Variants in HOXC5 observed in about 807,000 individuals in gnomAD.
HOXC5 encodes the protein homeobox protein Hox-C5.
Under a neutral mutation model 20.1 loss-of-function variants are expected in HOXC5, and 19 were observed. The ratio of observed to expected loss-of-function variants is 0.94; its 90% CI spans 0.66 to 1.38. The LOEUF is 1.38. Ranked by LOEUF, HOXC5 falls within the 40% of genes most tolerant of loss-of-function variation. The probability of loss-of-function intolerance (pLI) is 0.00; values close to 1 mark genes in which losing one functional copy is unlikely to be tolerated. For synonymous variants in HOXC5, 124 were observed against 117.0 expected (o/e 1.06, Z -0.39); for missense variants, 330 against 300.1 (o/e 1.10, Z -0.74).
chr12:54,024,137 A>G, the HOXC5 span, among the ~76,000 whole-genome samples: 1,142 of 152,316 alleles, frequency 7.5e-3, 11 homozygotes, highest in African/African-American at 0.026. Context: ...CAATTACTGA[A>G]ACTCGGCTTT....
chr12:54,018,781 C>T, the HOXC5 span, among the ~76,000 whole-genome samples: 1,961 of 152,232 alleles, frequency 0.013, 40 homozygotes, highest in African/African-American at 0.045. Context: ...ATATTCCAGA[C>T]GAGGTCCGAG....
At chr12:54,018,095 C>T in the HOXC5 span, among the ~76,000 whole-genome samples, 6 of 152,014 alleles carry the variant, frequency 3.9e-5, no homozygotes, top group Admixed American at 3.3e-4. Context: ...CCCCTGCTCC[C>T]GCCCCCACTC....
intron 1 of HOXC5, chr12:54,033,904 C>A: frequency 2.6e-6 from 1 of 381,498 alleles, no homozygotes; most frequent in Non-Finnish European, 5.1e-6. Context: ...CCCTCCCCTG[C>A]GGAGCCGGCT....
the HOXC5 span, chr12:54,021,242 C>G: frequency 3.9e-5 from 6 of 152,398 alleles, no homozygotes; most frequent in Admixed American, 3.9e-4. Context: ...GCATCCGTGG[C>G]GGCAGATTGG....
the HOXC5 span, among the ~76,000 whole-genome samples, chr12:54,027,757 T>C: frequency 6.6e-6 from 1 of 152,150 alleles, no homozygotes; most frequent in Non-Finnish European, 1.5e-5. Flanking sequence ...GCGTGGCCCA[T>C]TTGCCCACTC....
chr12:54,035,090 C>G lies in HOXC5; in HGVS notation c.*598C>G, dbSNP rs887545538. On this transcript the variant is annotated 3_prime_UTR_variant, in exon 2 of 2. Coordinates refer to ENST00000312492, the MANE Select transcript of HOXC5 (RefSeq NM_018953.4). ...GCTTTCCAAACCTTATCTCCACAAC[C>G]TCTTCCCCCCAAAACCCGGGAACCT... 2 of 154,098 alleles carry G rather than the reference C, an allele frequency of 1.3e-5. No individual in the cohort carries two copies. Among genetic ancestry groups the G allele is most frequent in the Non-Finnish European group, 2.9e-5 (2 of 69,196 alleles). The allele number at this position is 154,098 out of a possible 1,614,324, so 9.5% of individuals were successfully genotyped here.
chr12:54,030,649 G>GAA (rs900853084), upstream of HOXC5: 1 of 151,996 alleles, frequency 6.6e-6, no homozygotes, highest in Admixed American at 6.6e-5. Flanking sequence ...TTCAAAAAAG[G>GAA]AAAAAAAAGA....
Position 54,033,324 on chromosome 12 carries a change from C to CG in HOXC5, c.205dup (p.Ala69GlyfsTer45), listed in dbSNP as rs1565745267. ...CGGGGTAGACATGGCTGCCAACCCC[C>CG]GGGCTCACCCCGACCGCCCCGCCTG... On this transcript the variant is annotated frameshift_variant, in exon 1 of 2. Transcript: ENST00000312492. LOFTEE classifies it high-confidence loss of function. The CG allele has an allele frequency of 6.2e-7, 1 of 1,613,620 alleles. No homozygotes were observed. The highest frequency in any genetic ancestry group is 1.3e-5 in the African/African-American group (1 of 74,934).
At position 54,034,517 on chromosome 12, in the gene HOXC5, C is replaced by G. The variant is rs753862316; in HGVS notation, c.*25C>G. 8 of 1,590,616 alleles carry G rather than the reference C, an allele frequency of 5.0e-6. No individual in the cohort carries two copies. The African/African-American group carries it at 6.7e-5, about 13-fold the overall frequency. ...GAGGCAGCGGGGGAGGCCCGCAGAG[C>G]GCGCCCCTAGCCGGTTCCTGTCCCT... On this transcript the variant is annotated 3_prime_UTR_variant, in exon 2 of 2. Coordinates refer to ENST00000312492, the MANE Select transcript of HOXC5 (RefSeq NM_018953.4).
chr12:54,034,630 C>T lies in HOXC5; in HGVS notation c.*138C>T. 1.4e-6 allele frequency: 1 copy of T among 719,566 alleles called. No individual in the cohort carries two copies. The highest frequency in any genetic ancestry group is 2.3e-6 in the Non-Finnish European group (1 of 440,090). 44.6% of individuals were successfully genotyped at this position (719,566 alleles called of 1,614,324 possible). Reference sequence around the variant, plus strand: ...GGCTCCCGGGCCCCACAGACAAAAGCGCTTTTCCTTGGCATTCCGCATCCC... The same window carrying T: ...GGCTCCCGGGCCCCACAGACAAAAGTGCTTTTCCTTGGCATTCCGCATCCC... On this transcript the variant is annotated 3_prime_UTR_variant, in exon 2 of 2. Coordinates refer to ENST00000312492, the MANE Select transcript of HOXC5 (RefSeq NM_018953.4).
chr12:54,030,131 C>G, upstream of HOXC5: 2 of 624,424 alleles, frequency 3.2e-6, no homozygotes, highest in South Asian at 4.8e-5. Context: ...GACCCCCTCC[C>G]TCACCGCACA....
chr12:54,028,508 G>A (rs758278316), upstream of HOXC5: 3 of 1,611,600 alleles, frequency 1.9e-6, no homozygotes, highest in East Asian at 4.5e-5. Context: ...GACCGACCAG[G>A]TAAAGGCAAA....
upstream of HOXC5, chr12:54,029,618 T>A (rs1940903397): frequency 2.5e-6 from 4 of 1,592,218 alleles, no homozygotes; most frequent in African/African-American, 4.0e-5. Flanking sequence ...GACGCTTTGC[T>A]GATTGCTTTT....
rs1941130127 is a variant in HOXC5, at chr12:54,034,563, T to C, written c.*71T>C. The C allele has an allele frequency of 2.3e-6, 3 of 1,312,246 alleles. No individual in the cohort carries two copies. Among genetic ancestry groups the C allele is most frequent in the Non-Finnish European group, 3.2e-6 (3 of 925,382 alleles). The allele number at this position is 1,312,246 out of a possible 1,614,324, so 81.3% of individuals were successfully genotyped here. A position where few individuals can be genotyped will look rare whatever the true frequency, so the allele number is the denominator to read the frequency against. On this transcript the variant is annotated 3_prime_UTR_variant, in exon 2 of 2. Coordinates refer to ENST00000312492, the MANE Select transcript of HOXC5 (RefSeq NM_018953.4). ...TCCCTGCGCCTTTCCTTTTCGCCTT[T>C]CCTCTCTATATTTCGGGTCGGGGGC...
At chr12:54,034,152 G>C (rs1339490406) in intron 1 of HOXC5, 126 bp from the exon 2 acceptor site, 1 of 919,552 alleles carries the variant, frequency 1.1e-6, no homozygotes, top group African/African-American at 1.6e-5. Flanking sequence ...CGGCCCGCGT[G>C]GCCTGTCTTG....
the HOXC5 span, among the ~76,000 whole-genome samples, chr12:54,022,961 T>A: frequency 6.6e-6 from 1 of 152,212 alleles, no homozygotes; most frequent in Non-Finnish European, 1.5e-5. Context: ...TGTGACATCC[T>A]CTTGAGGCCC....
At position 54,033,494 on chromosome 12, in the gene HOXC5, G is replaced by A; in HGVS notation, c.372G>A (p.Gln124=). 1 of 1,592,368 alleles carries A rather than the reference G, an allele frequency of 6.3e-7. No homozygotes were observed. Among genetic ancestry groups the A allele is most frequent in the Non-Finnish European group, 8.5e-7 (1 of 1,172,936 alleles). ...SSGEIKEEQA[Q]TGQPAGLSQP... ...GGGAGATCAAAGAGGAGCAGGCGCAGACAGGGCAGCCCGCCGGACTGAGCC... is the reference window on the plus strand; with the variant it reads ...GGGAGATCAAAGAGGAGCAGGCGCAAACAGGGCAGCCCGCCGGACTGAGCC... Residue 124 remains glutamine, a synonymous_variant, in exon 1 of 2, where the codon CAG becomes CAA. Transcript: ENST00000312492.
chr12:54,028,374 TGC>T (rs530640872), upstream of HOXC5: 12 of 786,192 alleles, frequency 1.5e-5, no homozygotes, highest in South Asian at 8.3e-5. Context: ...ACATCTGGCT[TGC>T]GATTGGCTGG....
upstream of HOXC5, among the ~76,000 whole-genome samples, chr12:54,029,350 A>AT (rs1416280010): frequency 6.7e-6 from 1 of 149,016 alleles, no homozygotes; most frequent in African/African-American, 2.5e-5. Flanking sequence ...ATTATCTGGG[A>AT]TTTTTCAAAA....
Sources: allele counts gnomAD v4.1 joint callset (sites outside exome capture counted in the v4.1 genomes callset), GRCh38; gene constraint gnomAD v4.1.1; transcripts MANE v1.5; gene names NCBI Gene and HGNC (gene_info 2026-07-23, HGNC 2026-07-21).